MYOC: variants seen among roughly 807,000 people sequenced by gnomAD.
The protein encoded by MYOC is juvenile-onset open-angle glaucoma 1.
A neutral mutation model predicts 28.2 loss-of-function variants in MYOC; 29 were observed. The observed-to-expected ratio is 1.03, with a 90% CI of 0.77 to 1.40. The LOEUF (loss-of-function observed/expected upper bound fraction) is 1.40. MYOC is among the 40% of genes most tolerant of loss of function. The pLI, the probability that MYOC is intolerant of heterozygous loss-of-function variation, is 0.00. For synonymous variants in MYOC, 240 were observed against 245.6 expected (o/e 0.98, Z 0.21); for missense variants, 569 against 620.6 (o/e 0.92, Z 0.88).
chr1:171,651,961 G>A, intron 1 of MYOC, 47 bp downstream of exon 1: 1 of 1,613,668 alleles, frequency 6.2e-7, no homozygotes, highest in African/African-American at 1.3e-5. Flanking sequence ...GTCACTACGA[G>A]CCATATCACC....
intron 1 of MYOC, among the ~76,000 whole-genome samples, chr1:171,649,750 G>A (rs1406913138): frequency 4.6e-5 from 7 of 152,064 alleles, no homozygotes; most frequent in East Asian, 1.9e-4. Flanking sequence ...AGCCAAGATC[G>A]TGCCATTACA....
rs760260934 is a variant in MYOC, at chr1:171,636,013, A to T, written c.1427T>A (p.Met476Lys). 1 of 1,614,198 alleles carries T rather than the reference A, an allele frequency of 6.2e-7. No homozygotes were observed. The highest frequency in any genetic ancestry group is 1.7e-5 in the Admixed American group (1 of 60,022). The change falls in exon 3 of 3, where the codon ATG becomes AAG. Residue 476 changes from methionine to lysine, a missense_variant. Physicochemically the swap from Met to Lys is moderately conservative, Grantham distance 95 (BLOSUM62 -1). Coordinates refer to ENST00000037502, the MANE Select transcript of MYOC (RefSeq NM_000261.2). ...PFKNRYKYSS[M>K]IDYNPLEKKL... ...CTTCTCCAGGGGGTTGTAGTCAATCATGCTGCTGTACTTATAGCGGTTCTT... is the reference window on the plus strand; with the variant it reads ...CTTCTCCAGGGGGTTGTAGTCAATCTTGCTGCTGTACTTATAGCGGTTCTT...
chr1:171,635,511 TCTTA>T lies in MYOC; in HGVS notation c.*410_*413del. The stretch of plus-strand genomic sequence containing the variant: ...TTAGAAGCCAACTGTAGTAAATGCA[TCTTA>T]CTTATATTCGATGCTGGCCAGAGGA... On this transcript the variant is annotated 3_prime_UTR_variant, in exon 3 of 3. Transcript: ENST00000037502. 1 of 341,488 alleles carries T rather than the reference TCTTA, an allele frequency of 2.9e-6. No individual in the cohort carries two copies. Among genetic ancestry groups the T allele is most frequent in the Non-Finnish European group, 5.4e-6 (1 of 183,692 alleles). The allele number at this position is 341,488 out of a possible 1,614,324, so 21.2% of individuals were successfully genotyped here.
rs112218809 is a variant in MYOC at position 171,636,898 on chromosome 1, G to A, written c.731-189C>T. ...TTCAGTAAGTTACTTAGCTCTCTAC[G>A]CCTCAGTTATCGCATTTGTAAAAGG... On this transcript the variant is annotated intron_variant, in intron 2 of 2. Transcript: ENST00000037502. Among the ~76,000 whole-genome samples, 623 of 152,220 alleles carry A rather than the reference G, an allele frequency of 4.1e-3. 1 individual carries two copies. Among genetic ancestry groups the A allele is most frequent in the African/African-American group, 0.014 (581 of 41,552 alleles).
intron 1 of MYOC, 76 bp from the exon 2 acceptor site, chr1:171,638,798 T>G: frequency 6.4e-7 from 1 of 1,551,360 alleles, no homozygotes; most frequent in Non-Finnish European, 8.9e-7. Context: ...AGGATGACAT[T>G]TAAATAGGCT....
intron 1 of MYOC, among the ~76,000 whole-genome samples, chr1:171,647,158 C>T (rs78187462): frequency 0.025 from 3,850 of 152,318 alleles, 175 homozygotes; most frequent in African/African-American, 0.087. Context: ...TGTACTGTCT[C>T]TAGAATCAAC....
intron 1 of MYOC, among the ~76,000 whole-genome samples, chr1:171,651,588 TC>T (rs1653355504): frequency 6.6e-6 from 1 of 152,194 alleles, no homozygotes; most frequent in Admixed American, 6.5e-5. Context: ...TATTATCATT[TC>T]CCAAATCTAT....
chr1:171,649,254 G>A (rs775464051), intron 1 of MYOC, among the ~76,000 whole-genome samples: 11 of 152,150 alleles, frequency 7.2e-5, no homozygotes, highest in Non-Finnish European at 1.5e-4. Flanking sequence ...ATACAGAAAG[G>A]CTGCCTTCTC....
intron 1 of MYOC, 73 bp from the exon 2 acceptor site, chr1:171,638,795 C>G: frequency 2.6e-6 from 4 of 1,565,156 alleles, no homozygotes; most frequent in Non-Finnish European, 3.5e-6. Context: ...TTGAGGATGA[C>G]ATTTAAATAG....
chr1:171,646,171 G>A lies in MYOC; in HGVS notation c.604+5837C>T, dbSNP rs373984871. 7.9e-5 allele frequency among the ~76,000 whole-genome samples: 12 copies of A among 152,286 alleles called. No homozygotes were observed. In the South Asian group the frequency reaches 1.9e-3, roughly 24 times the overall value. On this transcript the variant is annotated intron_variant, in intron 1 of 2. Transcript: ENST00000037502. ...AACCCAAAGGCAGGGAAACAATCTC[G>A]TAAAGGGGCCTGGACCTAAGCCGGA...
intron 1 of MYOC, among the ~76,000 whole-genome samples, chr1:171,651,601 G>A (rs1653355793): frequency 6.6e-6 from 1 of 152,120 alleles, no homozygotes; most frequent in Non-Finnish European, 1.5e-5. Flanking sequence ...CAAATCTATT[G>A]TAATTTCATA....
chr1:171,636,690 CCAAA>C lies in MYOC; in HGVS notation c.746_749del (p.Val249GlyfsTer2), dbSNP rs1207915576. On this transcript the variant is annotated frameshift_variant, in exon 3 of 3. Transcript: ENST00000037502. LOFTEE classifies it low-confidence loss of function (END_TRUNC). ...TTCTCAGCGTGAGAGGCTCTCCTACCCAAACTAGTTCTCCACATCCTGGTAAATT... is the reference window on the plus strand; with the variant it reads ...TTCTCAGCGTGAGAGGCTCTCCTACCCTAGTTCTCCACATCCTGGTAAATT... The C allele has an allele frequency of 6.2e-7, 1 of 1,602,396 alleles. No homozygotes were observed. The highest frequency in any genetic ancestry group is 8.5e-7 in the Non-Finnish European group (1 of 1,179,972).
chr1:171,641,496 A>G (rs1161732815), intron 1 of MYOC, among the ~76,000 whole-genome samples: 1 of 152,158 alleles, frequency 6.6e-6, no homozygotes, highest in Non-Finnish European at 1.5e-5. Context: ...TCAGGGGGAC[A>G]GTGGCCTTGA....
At chr1:171,647,410 G>C (rs1653230758) in intron 1 of MYOC, among the ~76,000 whole-genome samples, 1 of 152,184 alleles carries the variant, frequency 6.6e-6, no homozygotes, top group South Asian at 2.1e-4. Flanking sequence ...TGTAATCCCA[G>C]CTACTTGGGA....
In MYOC at chr1:171,636,698, G is replaced by T. The variant is rs1652932316; in HGVS notation, c.742C>A (p.Leu248Ile). 6.2e-7 allele frequency: 1 copy of T among 1,601,924 alleles called. No homozygotes were observed. The highest frequency in any genetic ancestry group is 1.1e-5 in the South Asian group (1 of 91,088). ...GTGAGAGGCTCTCCTACCCAAACTA[G>T]TTCTCCACATCCTGGTAAATTCAGA... is the stretch of plus-strand genomic sequence containing the variant. ...SGEGDTGCGELVWVGEPLTLR... is the reference protein window; with the variant it reads ...SGEGDTGCGEIVWVGEPLTLR... Residue 248 changes from leucine (L) to isoleucine (I), a missense_variant, in exon 3 of 3, where the codon CTA becomes ATA. Physicochemically the swap from Leu to Ile is conservative, Grantham distance 5. Transcript: ENST00000037502.
intron 1 of MYOC, among the ~76,000 whole-genome samples, chr1:171,644,964 C>T (rs1334536587): frequency 2.6e-5 from 4 of 152,168 alleles, no homozygotes; most frequent in African/African-American, 7.2e-5. Context: ...ATGGCAGCTG[C>T]GAACTCTTCC....
chr1:171,639,743 G>T lies in MYOC; in HGVS notation c.605-1021C>A, dbSNP rs371075862. On this transcript the variant is annotated intron_variant, in intron 1 of 2. Transcript: ENST00000037502. ...AGGCAGGCGGATCACTTAAGGCCAG[G>T]AGTTCAAGACTAGCCTGGCCAGCGT... Among the ~76,000 whole-genome samples, 22 of 151,192 alleles carry T rather than the reference G, an allele frequency of 1.5e-4. No individual in the cohort carries two copies. The East Asian group carries it at 1.8e-3, about 12-fold the overall frequency.
Position 171,652,409 on chromosome 1 carries a change from A to C in MYOC, c.203T>G (p.Met68Arg). 6.2e-7 allele frequency: 1 copy of C among 1,614,062 alleles called. No homozygotes were observed. Among genetic ancestry groups the C allele is most frequent in the South Asian group, 1.1e-5 (1 of 91,080 alleles). The change falls in exon 1 of 3, where the codon ATG becomes AGG. Residue 68 changes from methionine to arginine, a missense_variant. By Grantham distance (91) the Met-to-Arg change is moderately conservative. Transcript: ENST00000037502. ...TCTCTGTAAGTTATGGATGACTGAC[A>C]TGGCCTGGCTCTGCTCTGGGCAGCT... Reference protein sequence around the residue: ...ESSCPEQSQAMSVIHNLQRDS... With the variant: ...ESSCPEQSQARSVIHNLQRDS...
chr1:171,648,687 G>A (rs12078420), intron 1 of MYOC, among the ~76,000 whole-genome samples: 439 of 127,022 alleles, frequency 3.5e-3, no homozygotes, highest in Admixed American at 6.7e-3. Flanking sequence ...TGTATTATAT[G>A]TAATATATAT....
Sources: allele counts gnomAD v4.1 joint callset (sites outside exome capture counted in the v4.1 genomes callset), GRCh38; gene constraint gnomAD v4.1.1; transcripts MANE v1.5; gene names NCBI Gene and HGNC (gene_info 2026-07-23, HGNC 2026-07-21).